The following SKAP1 variants were observed in gnomAD, a reference collection of about 807,000 sequenced individuals.
SKAP1 encodes the protein src kinase associated phosphoprotein 1, also known as src kinase-associated phosphoprotein 1.
A neutral mutation model predicts 58.5 loss-of-function variants in SKAP1; 44 were observed. The ratio of observed to expected loss-of-function variants is 0.75; its 90% CI spans 0.59 to 0.97. SKAP1 has a LOEUF of 0.97. SKAP1 is among the 50% of genes least tolerant of loss of function. The pLI, the probability that SKAP1 is intolerant of heterozygous loss-of-function variation, is 0.00. For missense variants in SKAP1, 390 were observed against 435.2 expected, an observed-to-expected ratio of 0.90 and a Z score of 0.92; for synonymous variants, 127 against 149.7, an observed-to-expected ratio of 0.85 and a Z score of 1.11.
At chr17:48,178,473 G>A (rs2064321005) in intron 9 of SKAP1, among the ~76,000 whole-genome samples, 2 of 152,154 alleles carry the variant, frequency 1.3e-5, no homozygotes, top group African/African-American at 2.4e-5. Context: ...AGGGAGTATT[G>A]TGAATTAGAT....
At position 48,413,946 on chromosome 17, in the gene SKAP1, G is replaced by A. The variant is rs571657780; in HGVS notation, c.46+16129C>T. Among the ~76,000 whole-genome samples, 10 of 152,168 alleles carry A rather than the reference G, an allele frequency of 6.6e-5. No homozygotes were observed. The East Asian group carries it at 7.7e-4, about 12-fold the overall frequency. On this transcript the variant is annotated intron_variant, in intron 1 of 12. Coordinates refer to ENST00000336915, the MANE Select transcript of SKAP1 (RefSeq NM_003726.4). ...CTTTAACTAGGGAGTGAACAATACC[G>A]CATGGTGTAAATGTCCTCAGACCAA...
chr17:48,359,538 A>AT (rs1729765923), intron 3 of SKAP1, among the ~76,000 whole-genome samples: 3 of 152,316 alleles, frequency 2.0e-5, no homozygotes, highest in South Asian at 4.1e-4. Context: ...TACAGTTAAC[A>AT]TGGCTTTATA....
chr17:48,410,438 C>A (rs575011413), intron 1 of SKAP1, among the ~76,000 whole-genome samples: 38 of 152,200 alleles, frequency 2.5e-4, no homozygotes, highest in African/African-American at 9.2e-4. Context: ...AAGGAGCATA[C>A]CTAGCACAAA....
chr17:48,249,768 A>G (rs1055044756), intron 4 of SKAP1, among the ~76,000 whole-genome samples: 2 of 152,072 alleles, frequency 1.3e-5, no homozygotes, highest in African/African-American at 4.8e-5. Flanking sequence ...TAAAATCACA[A>G]TTGGAATTTT....
At chr17:48,317,607 G>A (rs552873969) in intron 4 of SKAP1, among the ~76,000 whole-genome samples, 1 of 152,122 alleles carries the variant, frequency 6.6e-6, no homozygotes, top group Admixed American at 6.5e-5. Context: ...AATAAAACTT[G>A]AAAACAAATG....
chr17:48,363,953 GA>G (rs1437883139), intron 2 of SKAP1, 139 bp from the exon 3 acceptor site: 1 of 517,752 alleles, frequency 1.9e-6, no homozygotes, highest in Non-Finnish European at 3.4e-6. Flanking sequence ...CTAATTTTGA[GA>G]AAAACAAAAG....
intron 4 of SKAP1, among the ~76,000 whole-genome samples, chr17:48,296,157 G>A (rs924321770): frequency 2.6e-5 from 4 of 151,972 alleles, no homozygotes; most frequent in African/African-American, 9.7e-5. Flanking sequence ...GAGAGCCAGA[G>A]CCCAGCCTGT....
chr17:48,432,455 A>T (rs2144638316), upstream of SKAP1, among the ~76,000 whole-genome samples: 1 of 152,062 alleles, frequency 6.6e-6, no homozygotes, highest in Middle Eastern at 3.4e-3. Flanking sequence ...GAAAGAAAGA[A>T]AGTATAGCAA....
At chr17:48,151,359 A>G (rs2063900701) in intron 11 of SKAP1, among the ~76,000 whole-genome samples, 1 of 152,208 alleles carries the variant, frequency 6.6e-6, no homozygotes, top group Non-Finnish European at 1.5e-5. Context: ...TTTTTGTTTC[A>G]TTCCTTAGTT....
chr17:48,298,843 A>G (rs1052160775), intron 4 of SKAP1, among the ~76,000 whole-genome samples: 2 of 152,246 alleles, frequency 1.3e-5, no homozygotes, highest in South Asian at 2.1e-4. Flanking sequence ...GGGATGCAGC[A>G]TATGTTAGAA....
chr17:48,304,470 T>C (rs1363170625), intron 4 of SKAP1, among the ~76,000 whole-genome samples: 1 of 152,222 alleles, frequency 6.6e-6, no homozygotes, highest in East Asian at 1.9e-4. Context: ...GAAGGTAGTG[T>C]AGAATTGTGT....
At chr17:48,224,031 A>AGAGAGAAGAAG (rs2065035218) in intron 4 of SKAP1, among the ~76,000 whole-genome samples, 1 of 96,714 alleles carries the variant, frequency 1.0e-5, no homozygotes, top group Admixed American at 1.3e-4. Flanking sequence ...AGAGAGAGAG[A>AGAGAGAAGAAG]GAGAAGAAGG....
At chr17:48,370,000 C>T (rs1223443714) in intron 2 of SKAP1, among the ~76,000 whole-genome samples, 1 of 152,148 alleles carries the variant, frequency 6.6e-6, no homozygotes, top group South Asian at 2.1e-4. Context: ...ATGACAAGCC[C>T]TTTGCCCAGG....
At chr17:48,415,805 A>G (rs1198665631) in intron 1 of SKAP1, among the ~76,000 whole-genome samples, 1 of 151,980 alleles carries the variant, frequency 6.6e-6, no homozygotes, top group East Asian at 1.9e-4. Flanking sequence ...GCCCTGCTCA[A>G]TGGAGTCATT....
chr17:48,338,450 C>T (rs967213099), intron 4 of SKAP1, among the ~76,000 whole-genome samples: 1 of 152,176 alleles, frequency 6.6e-6, no homozygotes, highest in East Asian at 1.9e-4. Context: ...CCGCGCCTGA[C>T]CACTTACCAT....
At chr17:48,421,525 G>A (rs1017612786) in intron 1 of SKAP1, among the ~76,000 whole-genome samples, 4 of 151,892 alleles carry the variant, frequency 2.6e-5, no homozygotes, top group South Asian at 2.1e-4. Flanking sequence ...GGCTGGTCTC[G>A]AACTCCTAAC....
chr17:48,353,608 TGA>T, intron 3 of SKAP1, among the ~76,000 whole-genome samples: 1 of 152,108 alleles, frequency 6.6e-6, no homozygotes, highest in South Asian at 2.1e-4. Flanking sequence ...TAAAGAAGAA[TGA>T]GATGGCCGGG....
upstream of SKAP1, among the ~76,000 whole-genome samples, chr17:48,434,513 G>A (rs951438885): frequency 6.6e-5 from 10 of 152,248 alleles, no homozygotes; most frequent in African/African-American, 2.2e-4. Context: ...TCCCCTTCCA[G>A]CTCACACTCC....
intron 10 of SKAP1, among the ~76,000 whole-genome samples, chr17:48,168,775 T>C (rs2064173576): frequency 6.6e-6 from 1 of 152,186 alleles, no homozygotes; most frequent in South Asian, 2.1e-4. Context: ...GCCTTTTAAA[T>C]GCCTTCACTG....
Sources: gnomAD v4.1 joint callset for allele counts (sites outside exome capture counted in the v4.1 genomes callset) on GRCh38, gnomAD v4.1.1 for gene constraint, MANE v1.5 for transcripts, NCBI Gene and HGNC (gene_info 2026-07-23, HGNC 2026-07-21) for gene names.